Variants in BCL2A1 observed in about 807,000 individuals in gnomAD.
BCL2A1 encodes bcl-2-related protein A1.
In BCL2A1, 10 loss-of-function variants were observed where a neutral mutation model predicts 14.4. The observed-to-expected ratio is 0.69, with a 90% CI of 0.43 to 1.18. The LOEUF is 1.18. Ranked by LOEUF, BCL2A1 falls within the 50% of genes most tolerant of loss-of-function variation. The pLI is 0.00. For synonymous variants in BCL2A1, 71 were observed against 76.5 expected (o/e 0.93, Z 0.38); for missense variants, 158 against 205.0 (o/e 0.77, Z 1.40).
In BCL2A1 at chr15:79,966,880, C is replaced by G. The variant is rs188137133; in HGVS notation, c.420+3820G>C. On this transcript the variant is annotated intron_variant, in intron 1 of 1. Transcript: ENST00000267953. Reference sequence around the variant, plus strand: ...CTGACAAAAAGGAGAAAGAGAATAACGAAAGAGATTATGAGTCCTATTACT... The same window carrying G: ...CTGACAAAAAGGAGAAAGAGAATAAGGAAAGAGATTATGAGTCCTATTACT... Among the ~76,000 whole-genome samples, 4 of 151,974 alleles carry G rather than the reference C, an allele frequency of 2.6e-5. No homozygotes were observed. In the Admixed American group the frequency reaches 2.6e-4, roughly 10 times the overall value.
intron 1 of BCL2A1, 108 bp downstream of exon 1, chr15:79,970,592 A>G (rs972582286): frequency 8.7e-6 from 10 of 1,152,786 alleles, no homozygotes; most frequent in Non-Finnish European, 1.2e-5. Context: ...CACCCAAGGA[A>G]AATAGTATTC....
chr15:79,965,607 A>G (rs1334156581), intron 1 of BCL2A1, among the ~76,000 whole-genome samples: 1 of 152,100 alleles, frequency 6.6e-6, no homozygotes, highest in Non-Finnish European at 1.5e-5. Flanking sequence ...TTGCTGATGG[A>G]TGGATGTGGG....
intron 1 of BCL2A1, among the ~76,000 whole-genome samples, chr15:79,967,125 T>C (rs2035548949): frequency 6.6e-6 from 1 of 151,988 alleles, no homozygotes; most frequent in South Asian, 2.1e-4. Flanking sequence ...ACTTGTACAA[T>C]TCACACAGGT....
rs2035587848 is a variant in BCL2A1 at position 79,970,972 on chromosome 15, T to C, written c.148A>G (p.Lys50Glu). Reference protein sequence around the residue: ...VAFSVQKEVEKNLKSCLDNVN... With the variant: ...VAFSVQKEVEENLKSCLDNVN... ...TTGTCCAAGCATGACTTCAGATTCT[T>C]TTCCACTTCTTTTTGGACTGAGAAC... The change falls in exon 1 of 2, where the codon AAG becomes GAG. Residue 50 changes from lysine (K) to glutamate (E), a missense_variant. Coordinates refer to ENST00000267953, the MANE Select transcript of BCL2A1 (RefSeq NM_004049.4). 1 of 1,614,138 alleles carries C rather than the reference T, an allele frequency of 6.2e-7. No individual in the cohort carries two copies. Among genetic ancestry groups the C allele is most frequent in the Non-Finnish European group, 8.5e-7 (1 of 1,180,042 alleles).
chr15:79,964,391 C>T (rs1230546300), intron 1 of BCL2A1, among the ~76,000 whole-genome samples: 9 of 152,082 alleles, frequency 5.9e-5, no homozygotes, highest in East Asian at 3.9e-4. Context: ...ATTGCTTGAG[C>T]CCTGGAGGTC....
rs533950613 is a variant in BCL2A1 at position 79,967,924 on chromosome 15, T to C, written c.420+2776A>G. ...TCTACAACTTGAACTATTCAGGTGT[T>C]TTTTTTAAAAAAAAAAAAGAGCTTG... is the stretch of plus-strand genomic sequence containing the variant. On this transcript the variant is annotated intron_variant, in intron 1 of 1. Coordinates refer to ENST00000267953, the MANE Select transcript of BCL2A1 (RefSeq NM_004049.4). 2.6e-5 allele frequency among the ~76,000 whole-genome samples: 4 copies of C among 152,030 alleles called. No homozygotes were observed. In the East Asian group the frequency reaches 5.8e-4, roughly 22 times the overall value.
intron 1 of BCL2A1, among the ~76,000 whole-genome samples, chr15:79,965,396 G>A (rs536778476): frequency 6.6e-6 from 1 of 152,280 alleles, no homozygotes; most frequent in South Asian, 2.1e-4. Context: ...CAAAGTGCTG[G>A]GAATACAGAC....
rs1356182481 is a variant in BCL2A1, at chr15:79,971,159, C to T, written c.-40G>A. Reference sequence around the variant, plus strand: ...AGAGCAAAGTCTTGAGCTGGCTCACCTTGAAGCTGTTGAGGCAATGTGCTG... The same window carrying T: ...AGAGCAAAGTCTTGAGCTGGCTCACTTTGAAGCTGTTGAGGCAATGTGCTG... On this transcript the variant is annotated 5_prime_UTR_variant, in exon 1 of 2. Coordinates refer to ENST00000267953, the MANE Select transcript of BCL2A1 (RefSeq NM_004049.4). 3 of 1,588,404 alleles carry T rather than the reference C, an allele frequency of 1.9e-6. No homozygotes were observed. Among genetic ancestry groups the T allele is most frequent in the East Asian group, 2.2e-5 (1 of 44,598 alleles).
At chr15:79,967,553 C>T (rs1047061006) in intron 1 of BCL2A1, 1 of 1,431,142 alleles carries the variant, frequency 7.0e-7, no homozygotes, top group African/African-American at 1.4e-5. Flanking sequence ...CATAAAGTCT[C>T]TGGGCAATTT....
rs1317816842 is a variant in BCL2A1, at chr15:79,970,838, T to G, written c.282A>C (p.Ala94=). 2 of 1,614,152 alleles carry G rather than the reference T, an allele frequency of 1.2e-6. No homozygotes were observed. Among genetic ancestry groups the G allele is most frequent in the Non-Finnish European group, 1.7e-6 (2 of 1,180,050 alleles). The change falls in exon 1 of 2, where the codon GCA becomes GCC. Residue 94 remains alanine, a synonymous_variant. Coordinates refer to ENST00000267953, the MANE Select transcript of BCL2A1 (RefSeq NM_004049.4). The stretch of plus-strand genomic sequence containing the variant: ...GTTTCTTGATGAGAATACCTTCAAA[T>G]GCAAATATGGTTACAATTCTTCCCC... ...INWGRIVTIF[A]FEGILIKKLL... is the part of the protein sequence containing the mutation.
chr15:79,971,161 T>C lies in BCL2A1; in HGVS notation c.-42A>G. ...AGCAAAGTCTTGAGCTGGCTCACCT[T>C]GAAGCTGTTGAGGCAATGTGCTGAG... On this transcript the variant is annotated 5_prime_UTR_variant, in exon 1 of 2. Transcript: ENST00000267953. 6.3e-7 allele frequency: 1 copy of C among 1,582,554 alleles called. No individual in the cohort carries two copies. The highest frequency in any genetic ancestry group is 8.6e-7 in the Non-Finnish European group (1 of 1,160,532).
At chr15:79,964,253 G>A (rs1195945857) in intron 1 of BCL2A1, among the ~76,000 whole-genome samples, 1 of 152,034 alleles carries the variant, frequency 6.6e-6, no homozygotes, top group Admixed American at 6.6e-5. Context: ...AAAACCTAAA[G>A]CATAAAATAA....
intron 1 of BCL2A1, among the ~76,000 whole-genome samples, chr15:79,963,179 C>T (rs978662619): frequency 4.0e-5 from 6 of 150,558 alleles, no homozygotes; most frequent in South Asian, 2.1e-4. Context: ...TAGTAGAAAC[C>T]GGGTTTCACC....
chr15:79,964,239 C>A (rs1472585038), intron 1 of BCL2A1, among the ~76,000 whole-genome samples: 2 of 152,034 alleles, frequency 1.3e-5, no homozygotes, highest in African/African-American at 4.8e-5. Context: ...ACCTTGGTTA[C>A]AAGAAAACCT....
intron 1 of BCL2A1, chr15:79,967,673 G>A (rs1303091872): frequency 1.3e-6 from 2 of 1,572,812 alleles, no homozygotes; most frequent in South Asian, 1.1e-5. Context: ...CAGCATAGGT[G>A]TGTGATTGTG....
chr15:79,960,944 C>T lies in BCL2A1; in HGVS notation c.*123G>A, dbSNP rs1000617147. The T allele has an allele frequency of 7.0e-5, 103 of 1,473,232 alleles. No individual in the cohort carries two copies. The East Asian group carries it at 2.1e-3, about 30-fold the overall frequency. The allele number at this position is 1,473,232 out of a possible 1,614,324, so 91.3% of individuals were successfully genotyped here. On this transcript the variant is annotated 3_prime_UTR_variant, in exon 2 of 2. Transcript: ENST00000267953. Reference sequence around the variant, plus strand: ...TTACATGGGGACAAAATTTCCATAACTCTGGAAGGTCAAGTTACATCATCA... The same window carrying T: ...TTACATGGGGACAAAATTTCCATAATTCTGGAAGGTCAAGTTACATCATCA...
At chr15:79,969,329 T>A (rs1041693836) in intron 1 of BCL2A1, among the ~76,000 whole-genome samples, 7 of 152,140 alleles carry the variant, frequency 4.6e-5, no homozygotes. Context: ...AAAAAATGTA[T>A]GTACACCATG....
chr15:79,964,696 T>C (rs979283052), intron 1 of BCL2A1, among the ~76,000 whole-genome samples: 11 of 152,100 alleles, frequency 7.2e-5, no homozygotes, highest in African/African-American at 2.7e-4. Context: ...GATAAGCAAG[T>C]AAATATGCAA....
chr15:79,970,750 C>G lies in BCL2A1; in HGVS notation c.370G>C (p.Glu124Gln). ...TCTCCTGTGTTATTCATTATGAACT[C>G]CGCAACAAAATATGAAATCTCCTTA... ...TYKEISYFVA[E>Q]FIMNNTGEWI... The change falls in exon 1 of 2, where the codon GAG (glutamate) becomes CAG (glutamine). Residue 124 changes from glutamate (E) to glutamine (Q), a missense_variant. Coordinates refer to ENST00000267953, the MANE Select transcript of BCL2A1 (RefSeq NM_004049.4). 6.2e-7 allele frequency: 1 copy of G among 1,614,108 alleles called. No homozygotes were observed. Among genetic ancestry groups the G allele is most frequent in the Admixed American group, 1.7e-5 (1 of 60,020 alleles).
Sources: allele counts gnomAD v4.1 joint callset (sites outside exome capture counted in the v4.1 genomes callset), GRCh38; gene constraint gnomAD v4.1.1; transcripts MANE v1.5; gene names NCBI Gene and HGNC (gene_info 2026-07-23, HGNC 2026-07-21).